Variants in CYP3A4 observed in about 807,000 individuals in gnomAD.
The protein encoded by CYP3A4 is cytochrome P450 family 3 subfamily A member 4.
Under a neutral mutation model 54.9 loss-of-function variants are expected in CYP3A4, and 41 were observed. The observed-to-expected ratio is 0.75, with a 90% CI of 0.58 to 0.97. CYP3A4 has a LOEUF of 0.97. Ranked by LOEUF, CYP3A4 falls within the 50% of genes least tolerant of loss-of-function variation. CYP3A4 has a pLI of 0.00. For synonymous variants in CYP3A4, 179 were observed against 205.2 expected (o/e 0.87, Z 1.09); for missense variants, 510 against 597.3 (o/e 0.85, Z 1.52).
In CYP3A4 at chr7:99,763,871, G is replaced by T. The variant is rs1160153730; in HGVS notation, c.1010C>A (p.Ala337Glu). Residue 337 changes from alanine (A) to glutamate (E), a missense_variant, in exon 10 of 13, where the codon GCA (alanine) becomes GAA (glutamate). Ala to Glu is a moderately radical substitution (Grantham distance 107). Coordinates refer to ENST00000651514, the MANE Select transcript of CYP3A4 (RefSeq NM_017460.6). ...TCCACTCACCTTATTGGGTAAAACT[G>T]CATCAATTTCCTCCTGCAGTTTCTG... ...VQQKLQEEID[A>E]VLPNKAPPTY... The T allele has an allele frequency of 6.2e-7, 1 of 1,613,940 alleles. No individual in the cohort carries two copies. Among genetic ancestry groups the T allele is most frequent in the Non-Finnish European group, 8.5e-7 (1 of 1,179,942 alleles).
At chr7:99,761,604 A>G (rs2687125) in intron 11 of CYP3A4, among the ~76,000 whole-genome samples, 1 of 152,180 alleles carries the variant, frequency 6.6e-6, no homozygotes, top group Admixed American at 6.5e-5. Context: ...CAGTATCATC[A>G]CTGCTTTCTT....
At position 99,762,047 on chromosome 7, in the gene CYP3A4, G is replaced by C. The variant is rs4986909; in HGVS notation, c.1247C>G (p.Pro416Arg). Residue 416 changes from proline to arginine, a missense_variant, in exon 11 of 13, where the codon CCT becomes CGT. Around this residue, in one of 2 missense-constraint regions of CYP3A4, gnomAD observed 238 missense variants for 322.5 expected, o/e 0.74. Coordinates refer to ENST00000651514, the MANE Select transcript of CYP3A4 (RefSeq NM_017460.6). Reference protein sequence around the residue: ...KYWTEPEKFLPERFSKKNKDN... With the variant: ...KYWTEPEKFLRERFSKKNKDN... ...CTTCCCAGGGGCCTTGTACCTTTCA[G>C]GGAGGAACTTCTCAGGCTCTGTCCA... 38 of 1,614,104 alleles carry C rather than the reference G, an allele frequency of 2.4e-5. No homozygotes were observed. The South Asian group carries it at 3.8e-4, about 16-fold the overall frequency.
At chr7:99,783,604 A>ATT (rs1815981700) in intron 1 of CYP3A4, among the ~76,000 whole-genome samples, 1 of 109,312 alleles carries the variant, frequency 9.1e-6, no homozygotes, top group African/African-American at 2.9e-5. Flanking sequence ...CTCCTTGAAC[A>ATT]TCTTTTTTTT....
Position 99,766,463 on chromosome 7 carries a change from T to C in CYP3A4, c.799-20A>G. 6.2e-7 allele frequency: 1 copy of C among 1,613,390 alleles called. No homozygotes were observed. The highest frequency in any genetic ancestry group is 8.5e-7 in the Non-Finnish European group (1 of 1,179,534). ...TCGGTGCTAGAAGCAAAAAGAGAAATTTCACTGACAGAAAGTGGCTCCTGA... is the reference window on the plus strand; with the variant it reads ...TCGGTGCTAGAAGCAAAAAGAGAAACTTCACTGACAGAAAGTGGCTCCTGA... On this transcript the variant is annotated intron_variant, in intron 8 of 12. Coordinates refer to ENST00000651514, the MANE Select transcript of CYP3A4 (RefSeq NM_017460.6).
intron 12 of CYP3A4, among the ~76,000 whole-genome samples, chr7:99,759,120 C>T (rs1310021513): frequency 6.6e-6 from 1 of 152,144 alleles, no homozygotes; most frequent in African/African-American, 2.4e-5. Flanking sequence ...ACATATAATA[C>T]AGCTACACTG....
intron 2 of CYP3A4, among the ~76,000 whole-genome samples, chr7:99,778,623 C>T (rs753449374): frequency 5.3e-5 from 8 of 152,116 alleles, no homozygotes; most frequent in Admixed American, 2.0e-4. Flanking sequence ...AGAAAATGAA[C>T]GAGTGACAGA....
rs1423614420 is a variant in CYP3A4 at position 99,780,077 on chromosome 7, G to A, written c.80C>T (p.Thr27Ile). 15 of 1,612,950 alleles carry A rather than the reference G, an allele frequency of 9.3e-6. No individual in the cohort carries two copies. The highest frequency in any genetic ancestry group is 1.1e-5 in the Non-Finnish European group (13 of 1,179,214). ...VSLVLLYLYG[T>I]HSHGLFKKLG... is the part of the protein sequence containing the mutation. Reference sequence around the variant, plus strand: ...CTTCTTAAAAAGTCCATGTGAATGGGTTCCATATCTACAAAGTGAAACAGA... The same window carrying A: ...CTTCTTAAAAAGTCCATGTGAATGGATTCCATATCTACAAAGTGAAACAGA... Residue 27 changes from threonine to isoleucine, a missense_variant, in exon 2 of 13, where the codon ACC (threonine) becomes ATC (isoleucine). Physicochemically the swap from Thr to Ile is moderately conservative, Grantham distance 89. This residue lies in a region of CYP3A4 where 272 missense variants were observed against 274.9 expected (regional missense o/e 0.99). Coordinates refer to ENST00000651514, the MANE Select transcript of CYP3A4 (RefSeq NM_017460.6).
chr7:99,769,849 G>A lies in CYP3A4; in HGVS notation c.440C>T (p.Pro147Leu), dbSNP rs1043942350. 7 of 1,614,008 alleles carry A rather than the reference G, an allele frequency of 4.3e-6. No individual in the cohort carries two copies. The Admixed American group carries it at 1.0e-4, about 23-fold the overall frequency. The change falls in exon 6 of 13, where the codon CCT becomes CTT. Residue 147 changes from proline (P) to leucine (L), a missense_variant. Pro to Leu is a moderately conservative substitution (Grantham distance 98, BLOSUM62 -3). Coordinates refer to ENST00000651514, the MANE Select transcript of CYP3A4 (RefSeq NM_017460.6). Reference protein sequence around the residue: ...FTSGKLKEMVPIIAQYGDVLV... With the variant: ...FTSGKLKEMVLIIAQYGDVLV... ...CACATCTCCATACTGGGCAATGATA[G>A]GGACCATCTAAGCACAAAACACAAC...
chr7:99,775,293 T>C (rs1289018762), intron 3 of CYP3A4, among the ~76,000 whole-genome samples: 1 of 152,132 alleles, frequency 6.6e-6, no homozygotes, highest in African/African-American at 2.4e-5. Context: ...TTCAATGCTA[T>C]TTCCATCAAG....
At chr7:99,779,838 G>C (rs1470323643) in intron 2 of CYP3A4, among the ~76,000 whole-genome samples, 154 bp downstream of exon 2, 1 of 152,108 alleles carries the variant, frequency 6.6e-6, no homozygotes, top group Non-Finnish European at 1.5e-5. Context: ...AGAGCCCTTG[G>C]GTAAACATTG....
At chr7:99,766,237 A>C in intron 9 of CYP3A4, 140 bp downstream of exon 9, 1 of 1,038,326 alleles carries the variant, frequency 9.6e-7, no homozygotes, top group Non-Finnish European at 1.4e-6. Flanking sequence ...GCCTCCAACT[A>C]CCACTTATAA....
At chr7:99,768,755 T>C (rs748339378) in intron 6 of CYP3A4, among the ~76,000 whole-genome samples, 2 of 152,152 alleles carry the variant, frequency 1.3e-5, no homozygotes, top group African/African-American at 4.8e-5. Context: ...GAGCCCATCA[T>C]AGGAAGACAG....
chr7:99,774,657 A>G (rs1469677105), intron 3 of CYP3A4, among the ~76,000 whole-genome samples: 1 of 152,152 alleles, frequency 6.6e-6, no homozygotes, highest in African/African-American at 2.4e-5. Flanking sequence ...CATGCTAAAA[A>G]CTCTGAATAA....
intron 8 of CYP3A4, 105 bp from the exon 9 acceptor site, chr7:99,766,548 A>C: frequency 7.2e-7 from 1 of 1,392,402 alleles, no homozygotes; most frequent in South Asian, 1.2e-5. Context: ...TGGCTCCTTG[A>C]AGACCAGAAA....
intron 7 of CYP3A4, 24 bp from the exon 8 acceptor site, chr7:99,767,282 C>T (rs773314209): frequency 2.0e-5 from 31 of 1,553,402 alleles, no homozygotes; most frequent in Admixed American, 4.4e-5. Context: ...AAAACAAAAA[C>T]AGAAAAAGAA....
chr7:99,781,509 T>C (rs190120606), intron 1 of CYP3A4, among the ~76,000 whole-genome samples: 3 of 152,232 alleles, frequency 2.0e-5, no homozygotes, highest in Admixed American at 2.0e-4. Context: ...TGATGGGTCA[T>C]GTATGAACTC....
rs555258087 is a variant in CYP3A4, at chr7:99,759,203, T to C, written c.1417-975A>G. 2.6e-4 allele frequency among the ~76,000 whole-genome samples: 40 copies of C among 152,322 alleles called. No homozygotes were observed. In the South Asian group the frequency reaches 7.9e-3, roughly 30 times the overall value. On this transcript the variant is annotated intron_variant, in intron 12 of 12. Transcript: ENST00000651514. ...CTATTTCTGTCTTCTTCCTCTCCTATATAGAAAGCCTACTTAAGGGGTGGA... is the reference window on the plus strand; with the variant it reads ...CTATTTCTGTCTTCTTCCTCTCCTACATAGAAAGCCTACTTAAGGGGTGGA...
intron 2 of CYP3A4, among the ~76,000 whole-genome samples, chr7:99,779,106 G>A (rs766161344): frequency 6.6e-6 from 1 of 152,074 alleles, no homozygotes; most frequent in African/African-American, 2.4e-5. Flanking sequence ...AGGCACAAAG[G>A]CTCGGCCAAA....
In CYP3A4 at chr7:99,769,877, C is replaced by T. The variant is rs1489959433; in HGVS notation, c.433-21G>A. The T allele has an allele frequency of 1.9e-6, 3 of 1,613,598 alleles. No individual in the cohort carries two copies. In the African/African-American group the frequency reaches 4.0e-5, roughly 22 times the overall value. ...ACCATCTAAGCACAAAACACAACACCACCCATAGTTAAATGTGCAGACTCT... is the reference window on the plus strand; with the variant it reads ...ACCATCTAAGCACAAAACACAACACTACCCATAGTTAAATGTGCAGACTCT... On this transcript the variant is annotated intron_variant, in intron 5 of 12. Coordinates refer to ENST00000651514, the MANE Select transcript of CYP3A4 (RefSeq NM_017460.6).
Sources: allele counts gnomAD v4.1 joint callset (sites outside exome capture counted in the v4.1 genomes callset), GRCh38; gene constraint gnomAD v4.1.1; regional missense constraint gnomAD v4.1.1; transcripts MANE v1.5; gene names NCBI Gene and HGNC (gene_info 2026-07-23, HGNC 2026-07-21).